SHC4: variants seen among roughly 807,000 people sequenced by gnomAD.
The protein encoded by SHC4 is SHC-transforming protein 4.
In SHC4, 41 loss-of-function variants were observed where a neutral mutation model predicts 69.4. That is an observed-to-expected ratio of 0.59 (90% CI 0.46 to 0.77). The LOEUF (loss-of-function observed/expected upper bound fraction) is 0.77, where lower values mean the gene tolerates loss of function less well. Among genes scored for constraint, SHC4 ranks in the 30% least tolerant of loss-of-function variants. The pLI is 0.00. For missense variants in SHC4, 777 were observed against 783.8 expected (o/e 0.99, Z 0.10); for synonymous variants, 318 against 299.3 (o/e 1.06, Z -0.64).
chr15:48,872,320 T>C (rs1476994236), intron 4 of SHC4, among the ~76,000 whole-genome samples, 178 bp from the exon 5 acceptor site: 1 of 152,212 alleles, frequency 6.6e-6, no homozygotes, highest in Non-Finnish European at 1.5e-5. Context: ...TCTGATGATT[T>C]TGTGATGCCC....
intron 9 of SHC4, among the ~76,000 whole-genome samples, chr15:48,847,588 G>T (rs545439474): frequency 6.6e-6 from 1 of 152,182 alleles, no homozygotes; most frequent in African/African-American, 2.4e-5. Flanking sequence ...ATTTCTATAG[G>T]TATCTCTCAA....
chr15:48,948,432 A>T (rs1247470481), intron 1 of SHC4, among the ~76,000 whole-genome samples: 1 of 152,242 alleles, frequency 6.6e-6, no homozygotes, highest in Admixed American at 6.5e-5. Flanking sequence ...ACTGATCTCC[A>T]GTTGACAACT....
chr15:48,939,597 T>C (rs1395245029), intron 1 of SHC4, among the ~76,000 whole-genome samples: 1 of 152,200 alleles, frequency 6.6e-6, no homozygotes, highest in Non-Finnish European at 1.5e-5. Flanking sequence ...CAGCACAATA[T>C]GTGACACACA....
intron 11 of SHC4, among the ~76,000 whole-genome samples, chr15:48,829,530 T>C (rs1898755628): frequency 1.3e-5 from 2 of 152,250 alleles, no homozygotes; most frequent in South Asian, 4.1e-4. Context: ...TTTTGTCCGA[T>C]ATAAGTATGG....
rs1029068863 is a variant in SHC4 at position 48,877,347 on chromosome 15, TAATAGA to T, written c.841-5211_841-5206del. The T allele has an allele frequency of 4.1e-5, 29 of 713,658 alleles. No individual in the cohort carries two copies. In the Admixed American group the frequency reaches 6.8e-4, roughly 17 times the overall value. 44.2% of individuals were successfully genotyped at this position (713,658 alleles called of 1,614,324 possible). On this transcript the variant is annotated intron_variant, in intron 4 of 11. Transcript: ENST00000332408. ...ATTCTACATAACTATAATGTAATAA[TAATAGA>T]AATAAAGTGCAGAATAAATGAAATG...
At chr15:48,868,037 A>C (rs145959782) in intron 5 of SHC4, among the ~76,000 whole-genome samples, 168 bp from the exon 6 acceptor site, 183 of 152,360 alleles carry the variant, frequency 1.2e-3, no homozygotes, top group African/African-American at 4.3e-3. Flanking sequence ...TACACCATAT[A>C]GTTTAACAAT....
chr15:48,860,200 TAA>T (rs1899414000), intron 6 of SHC4, among the ~76,000 whole-genome samples: 1 of 152,174 alleles, frequency 6.6e-6, no homozygotes, highest in Non-Finnish European at 1.5e-5. Context: ...TTTAATCTCG[TAA>T]ATTCCCAGTC....
intron 1 of SHC4, among the ~76,000 whole-genome samples, chr15:48,960,891 C>A (rs552729495): frequency 6.6e-6 from 1 of 152,142 alleles, no homozygotes; most frequent in Admixed American, 6.5e-5. Context: ...TTTTTTCACC[C>A]TTTACAACCC....
intron 3 of SHC4, among the ~76,000 whole-genome samples, chr15:48,887,554 A>G (rs1484099140): frequency 6.6e-6 from 1 of 152,228 alleles, no homozygotes; most frequent in Non-Finnish European, 1.5e-5. Context: ...TTTTATTTAA[A>G]AAGCAGAAAG....
intron 8 of SHC4, among the ~76,000 whole-genome samples, chr15:48,852,227 T>C (rs1899227361): frequency 6.6e-6 from 1 of 152,102 alleles, no homozygotes; most frequent in Admixed American, 6.5e-5. Flanking sequence ...AGAAGCAAGA[T>C]AAAGGCCAAG....
At position 48,870,176 on chromosome 15, in the gene SHC4, T is replaced by A. The variant is rs540474751; in HGVS notation, c.894+1913A>T. On this transcript the variant is annotated intron_variant, in intron 5 of 11. Transcript: ENST00000332408. ...CTCTTAAGAAAAGTATTTGAGTTCC[T>A]TCATGGATGACTGAGCTAGGGAGAA... 2.0e-5 allele frequency among the ~76,000 whole-genome samples: 3 copies of A among 152,370 alleles called. No individual in the cohort carries two copies. In the South Asian group the frequency reaches 6.2e-4, roughly 32 times the overall value.
chr15:48,937,190 A>G (rs1901087323), intron 1 of SHC4, among the ~76,000 whole-genome samples: 1 of 152,210 alleles, frequency 6.6e-6, no homozygotes, highest in Admixed American at 6.5e-5. Flanking sequence ...CCTCATAATG[A>G]AACTGTGATG....
rs1222205582 is a variant in SHC4, at chr15:48,924,874, C to A, written c.656+5G>T. The A allele has an allele frequency of 4.3e-6, 7 of 1,614,070 alleles. No homozygotes were observed. The highest frequency in any genetic ancestry group is 5.9e-6 in the Non-Finnish European group (7 of 1,179,952). ...TCAAAGCCCCTCCCATTTTTGGCTT[C>A]TTACCTTGTAACTTGGGTTCTCATT... is the stretch of plus-strand genomic sequence containing the variant. On this transcript the variant is annotated splice_donor_5th_base_variant and intron_variant, in intron 2 of 11. Transcript: ENST00000332408.
At chr15:48,828,164 C>A (rs1227194372) in intron 11 of SHC4, among the ~76,000 whole-genome samples, 1 of 151,052 alleles carries the variant, frequency 6.6e-6, no homozygotes, top group Non-Finnish European at 1.5e-5. Context: ...TAATACTGTA[C>A]TATACACTTA....
intron 10 of SHC4, among the ~76,000 whole-genome samples, chr15:48,838,526 T>C (rs575106657): frequency 4.3e-4 from 65 of 152,242 alleles, no homozygotes; most frequent in African/African-American, 1.4e-3. Flanking sequence ...GAACATTTGG[T>C]AGAAAAAGAT....
intron 6 of SHC4, among the ~76,000 whole-genome samples, chr15:48,859,023 G>A (rs1304648172): frequency 6.6e-6 from 1 of 152,198 alleles, no homozygotes; most frequent in Non-Finnish European, 1.5e-5. Context: ...TATCTGAGGA[G>A]AGGAGAGACA....
In SHC4 at chr15:48,961,918, C is replaced by T. The variant is rs193048751; in HGVS notation, c.585+513G>A. ...AGCTCCTGGCACAAGGTTAGAGACT[C>T]GGACGTGTTTTGAGAAGTGTTTGTT... On this transcript the variant is annotated intron_variant, in intron 1 of 11. Coordinates refer to ENST00000332408, the MANE Select transcript of SHC4 (RefSeq NM_203349.4). 3.3e-5 allele frequency among the ~76,000 whole-genome samples: 5 copies of T among 152,262 alleles called. No individual in the cohort carries two copies. The East Asian group carries it at 7.7e-4, about 23-fold the overall frequency.
At chr15:48,878,779 G>C in intron 4 of SHC4, 3 of 1,553,608 alleles carry the variant, frequency 1.9e-6, no homozygotes, top group Non-Finnish European at 1.8e-6. Flanking sequence ...ACTTGAGGAG[G>C]GACCCAACTT....
intron 1 of SHC4, among the ~76,000 whole-genome samples, chr15:48,935,342 G>A (rs1290401080): frequency 6.6e-6 from 1 of 152,156 alleles, no homozygotes; most frequent in Non-Finnish European, 1.5e-5. Flanking sequence ...TCACCCTGTG[G>A]TGCTGCAATT....
Sources: gnomAD v4.1 joint callset for allele counts (sites outside exome capture counted in the v4.1 genomes callset) on GRCh38, gnomAD v4.1.1 for gene constraint, MANE v1.5 for transcripts, NCBI Gene and HGNC (gene_info 2026-07-23, HGNC 2026-07-21) for gene names.